Variants in MRPS6 observed in about 807,000 individuals in gnomAD.
MRPS6 encodes small ribosomal subunit protein bS6m.
MRPS6 carries 6 observed loss-of-function variants against 13.1 expected under a neutral mutation model. The ratio of observed to expected loss-of-function variants is 0.46; its 90% CI spans 0.25 to 0.91. The LOEUF is 0.91. MRPS6 is among the 40% of genes least tolerant of loss of function. The pLI is 0.18. For missense variants in MRPS6, 164 were observed against 155.6 expected, an observed-to-expected ratio of 1.05 and a Z score of -0.29; for synonymous variants, 61 against 56.5, an observed-to-expected ratio of 1.08 and a Z score of -0.36.
intron 1 of MRPS6, among the ~76,000 whole-genome samples, chr21:34,088,251 C>A (rs1978497522): frequency 6.6e-6 from 1 of 152,056 alleles, no homozygotes; most frequent in South Asian, 2.1e-4. Context: ...TTAAGACTTA[C>A]TATTTTTCCC....
intron 1 of MRPS6, chr21:34,102,896 G>A (rs1422557629): frequency 6.0e-6 from 6 of 999,214 alleles, no homozygotes; most frequent in East Asian, 1.1e-4. Context: ...TTCGACAACC[G>A]CACAAGTTGG....
At chr21:34,118,482 C>T (rs966096047) in intron 1 of MRPS6, among the ~76,000 whole-genome samples, 2 of 151,776 alleles carry the variant, frequency 1.3e-5, no homozygotes, top group African/African-American at 4.8e-5. Context: ...CTCTTCTTTC[C>T]CCTCCCATTT....
intron 2 of MRPS6, among the ~76,000 whole-genome samples, chr21:34,140,909 T>C (rs965793302): frequency 7.9e-5 from 12 of 152,228 alleles, no homozygotes; most frequent in African/African-American, 2.9e-4. Flanking sequence ...TATTTTTCTG[T>C]CCTTTTATTT....
chr21:34,114,593 A>T (rs2148665718), intron 1 of MRPS6, among the ~76,000 whole-genome samples: 1 of 152,338 alleles, frequency 6.6e-6, no homozygotes, highest in East Asian at 1.9e-4. Context: ...CTCCCAGGTG[A>T]TTCAAGTGCT....
At position 34,114,170 on chromosome 21, in the gene MRPS6, A is replaced by G. The variant is rs77528678; in HGVS notation, c.46-11171A>G. ...ATGGAAACCTCTCAGCAAGAGGATC[A>G]TGGACTTTAAAATGTCCTTAGAATA... On this transcript the variant is annotated intron_variant, in intron 1 of 2. Transcript: ENST00000399312. Among the ~76,000 whole-genome samples the G allele has an allele frequency of 9.4e-3, 1,435 of 152,324 alleles. 30 individuals carry two copies. The highest frequency in any genetic ancestry group is 0.033 in the African/African-American group (1,366 of 41,566).
chr21:34,140,911 CTTTTA>C (rs982953173), intron 2 of MRPS6, among the ~76,000 whole-genome samples: 2 of 152,064 alleles, frequency 1.3e-5, no homozygotes, highest in Admixed American at 6.6e-5. Flanking sequence ...TTTTTCTGTC[CTTTTA>C]TTTAATTATA....
intron 1 of MRPS6, among the ~76,000 whole-genome samples, chr21:34,111,769 C>T (rs1439316936): frequency 6.6e-6 from 1 of 152,160 alleles, no homozygotes; most frequent in Non-Finnish European, 1.5e-5. Flanking sequence ...AAGGTAGGCC[C>T]CCTGTAAAGT....
intron 1 of MRPS6, among the ~76,000 whole-genome samples, chr21:34,079,279 C>T (rs1452687448): frequency 2.0e-5 from 3 of 152,248 alleles, no homozygotes; most frequent in Non-Finnish European, 4.4e-5. Context: ...TGGAACATGA[C>T]CCTGTTCTTT....
intron 1 of MRPS6, among the ~76,000 whole-genome samples, chr21:34,085,814 G>A (rs1247648828): frequency 2.0e-5 from 3 of 152,130 alleles, no homozygotes; most frequent in Non-Finnish European, 2.9e-5. Context: ...GTGTTAGCTA[G>A]GGTGGTCTTG....
At chr21:34,110,948 A>G (rs1173670334) in intron 1 of MRPS6, among the ~76,000 whole-genome samples, 1 of 152,228 alleles carries the variant, frequency 6.6e-6, no homozygotes, top group East Asian at 1.9e-4. Context: ...GCCCTTCAGC[A>G]CTGCACTTGG....
intron 1 of MRPS6, among the ~76,000 whole-genome samples, chr21:34,086,496 G>A (rs1203199975): frequency 6.9e-6 from 1 of 144,640 alleles, no homozygotes; most frequent in Admixed American, 7.2e-5. Context: ...TATCTGACTT[G>A]TGTTTATTTC....
At chr21:34,100,609 C>A (rs1979192290) in intron 1 of MRPS6, 2 of 1,000,088 alleles carry the variant, frequency 2.0e-6, no homozygotes, top group East Asian at 1.1e-4. Flanking sequence ...AGGGATGATA[C>A]CTCAAGAAAT....
chr21:34,129,005 C>T (rs1980406585), intron 2 of MRPS6, among the ~76,000 whole-genome samples: 1 of 152,192 alleles, frequency 6.6e-6, no homozygotes, highest in East Asian at 1.9e-4. Context: ...CCCGAGATTA[C>T]CTCCCCTTTG....
chr21:34,116,563 T>C (rs1245660352), intron 1 of MRPS6, among the ~76,000 whole-genome samples: 2 of 150,940 alleles, frequency 1.3e-5, no homozygotes, highest in Non-Finnish European at 2.9e-5. Flanking sequence ...GGTACATGGG[T>C]ATGGTAGTTT....
At chr21:34,082,865 T>C (rs1377168644) in intron 1 of MRPS6, among the ~76,000 whole-genome samples, 1 of 152,236 alleles carries the variant, frequency 6.6e-6, no homozygotes, top group Non-Finnish European at 1.5e-5. Flanking sequence ...CCCCTTGCAA[T>C]CATTTTTACT....
At chr21:34,125,565 A>G in intron 2 of MRPS6, 85 bp downstream of exon 2, 1 of 1,543,240 alleles carries the variant, frequency 6.5e-7, no homozygotes, top group Non-Finnish European at 8.7e-7. Context: ...AGTTCTTAAA[A>G]TTTCACATTG....
At position 34,142,839 on chromosome 21, in the gene MRPS6, G is replaced by A. The variant is rs1467945693; in HGVS notation, c.*239G>A. 8.4e-6 allele frequency: 3 copies of A among 357,732 alleles called. No individual in the cohort carries two copies. The highest frequency in any genetic ancestry group is 2.1e-5 in the African/African-American group (1 of 47,514). 22.2% of individuals were successfully genotyped at this position (357,732 alleles called of 1,614,324 possible). Reference sequence around the variant, plus strand: ...ATCGTTCTTGATTTTGTTTTCATTAGTGTCATTTCTTTGTCATTGAGGACT... The same window carrying A: ...ATCGTTCTTGATTTTGTTTTCATTAATGTCATTTCTTTGTCATTGAGGACT... On this transcript the variant is annotated 3_prime_UTR_variant, in exon 3 of 3. Transcript: ENST00000399312.
chr21:34,090,675 T>TCCC (rs1978640159), intron 1 of MRPS6, among the ~76,000 whole-genome samples: 2 of 152,180 alleles, frequency 1.3e-5, no homozygotes, highest in East Asian at 3.8e-4. Flanking sequence ...CTGAGCCACC[T>TCCC]CCCCATTGCA....
intron 1 of MRPS6, among the ~76,000 whole-genome samples, chr21:34,118,223 G>A (rs991399607): frequency 6.6e-6 from 1 of 151,988 alleles, no homozygotes; most frequent in African/African-American, 2.4e-5. Flanking sequence ...GTAAACTTTG[G>A]ACTCCCCAGA....
Sources: gnomAD v4.1 joint callset for allele counts (sites outside exome capture counted in the v4.1 genomes callset) on GRCh38, gnomAD v4.1.1 for gene constraint, MANE v1.5 for transcripts, NCBI Gene and HGNC (gene_info 2026-07-23, HGNC 2026-07-21) for gene names.